The following SPPL3 variants were observed in gnomAD, a reference collection of about 807,000 sequenced individuals.
SPPL3 encodes the protein signal peptide peptidase like 3.
SPPL3 carries 5 observed loss-of-function variants against 42.4 expected under a neutral mutation model. The observed-to-expected ratio is 0.12, with a 90% CI of 0.06 to 0.25. The LOEUF is 0.25. SPPL3 is among the 10% of genes least tolerant of loss of function. The probability of loss-of-function intolerance (pLI) is 1.00; values close to 1 mark genes in which losing one functional copy is unlikely to be tolerated. For missense variants in SPPL3, 235 were observed against 489.0 expected (o/e 0.48, Z 4.90); for synonymous variants, 195 against 181.8 (o/e 1.07, Z -0.58).
chr12:120,901,482 T>G (rs569371350), intron 1 of SPPL3, among the ~76,000 whole-genome samples: 43 of 150,588 alleles, frequency 2.9e-4, no homozygotes, highest in African/African-American at 1.0e-3. Flanking sequence ...TCCCAGCTAC[T>G]CGGGAGGCTG....
chr12:120,863,606 C>A (rs1193966109), intron 1 of SPPL3, among the ~76,000 whole-genome samples: 1 of 152,058 alleles, frequency 6.6e-6, no homozygotes, highest in Non-Finnish European at 1.5e-5. Flanking sequence ...TTCAGGTAAT[C>A]GTAGATATTA....
At chr12:120,857,299 G>C (rs1019393201) in intron 1 of SPPL3, among the ~76,000 whole-genome samples, 3 of 152,160 alleles carry the variant, frequency 2.0e-5, no homozygotes, top group African/African-American at 7.2e-5. Flanking sequence ...AGTCAGAATG[G>C]CGATTATTAA....
At chr12:120,862,069 A>G (rs1872631235) in intron 1 of SPPL3, among the ~76,000 whole-genome samples, 1 of 152,156 alleles carries the variant, frequency 6.6e-6, no homozygotes, top group South Asian at 2.1e-4. Context: ...TAGTTTTCAA[A>G]CTTTTTAGTT....
chr12:120,885,320 C>T (rs978197989), intron 1 of SPPL3, among the ~76,000 whole-genome samples: 3 of 152,124 alleles, frequency 2.0e-5, no homozygotes, highest in Non-Finnish European at 2.9e-5. Flanking sequence ...TAATTGTGCA[C>T]GGGACCTACA....
intron 2 of SPPL3, among the ~76,000 whole-genome samples, chr12:120,800,884 A>G (rs1201032677): frequency 6.6e-6 from 1 of 152,248 alleles, no homozygotes; most frequent in Non-Finnish European, 1.5e-5. Context: ...AGGCACTGCT[A>G]GGTGCTTTAC....
chr12:120,820,787 G>A (rs182249218), intron 1 of SPPL3, among the ~76,000 whole-genome samples: 2 of 150,694 alleles, frequency 1.3e-5, no homozygotes, highest in Admixed American at 1.3e-4. Flanking sequence ...CAAGGTACAA[G>A]TAGTAAATAA....
In SPPL3 at chr12:120,841,933, G is replaced by C. The variant is rs988083477; in HGVS notation, c.24-31047C>G. 2.0e-5 allele frequency among the ~76,000 whole-genome samples: 3 copies of C among 152,146 alleles called. No individual in the cohort carries two copies. The East Asian group carries it at 5.8e-4, about 29-fold the overall frequency. On this transcript the variant is annotated intron_variant, in intron 1 of 10. Transcript: ENST00000353487. ...GCCCGAGTCACAGGATTATTGGCTT[G>C]TATATTTAAGTGTGCACCTGTACTA...
At position 120,846,113 on chromosome 12, in the gene SPPL3, T is replaced by G. The variant is rs1592992684; in HGVS notation, c.24-35227A>C. ...GATTTTGCTATGTTGGCCAGGCTGG[T>G]CTCAAAGTCCTGTCATTACTGATAT... On this transcript the variant is annotated intron_variant, in intron 1 of 10. Coordinates refer to ENST00000353487, the MANE Select transcript of SPPL3 (RefSeq NM_139015.5). 3.9e-5 allele frequency among the ~76,000 whole-genome samples: 6 copies of G among 152,260 alleles called. No individual in the cohort carries two copies. The South Asian group carries it at 6.2e-4, about 16-fold the overall frequency.
chr12:120,778,980 T>TA (rs35034444), intron 6 of SPPL3, among the ~76,000 whole-genome samples: 4,788 of 151,672 alleles, frequency 0.032, 100 homozygotes, highest in Non-Finnish European at 0.045. Context: ...AAATGTCTTC[T>TA]AAAAAAAAAT....
rs143596020 is a variant in SPPL3, at chr12:120,875,783, A to G, written c.23+28062T>C. 3.4e-3 allele frequency among the ~76,000 whole-genome samples: 514 copies of G among 152,356 alleles called. 3 individuals carry two copies. Among genetic ancestry groups the G allele is most frequent in the African/African-American group, 0.012 (497 of 41,588 alleles). ...AATAATTACATCAAATGTAAATGAT[A>G]CACCTAGTCTAAAAGGCAGATTGTC... is the stretch of plus-strand genomic sequence containing the variant. On this transcript the variant is annotated intron_variant, in intron 1 of 10. Transcript: ENST00000353487.
intron 1 of SPPL3, among the ~76,000 whole-genome samples, chr12:120,872,513 G>T (rs1160391965): frequency 6.6e-6 from 1 of 152,174 alleles, no homozygotes; most frequent in East Asian, 1.9e-4. Context: ...AATGCACTGA[G>T]GAGCCAACAG....
chr12:120,841,469 CA>C (rs1871829926), intron 1 of SPPL3, among the ~76,000 whole-genome samples: 1 of 151,950 alleles, frequency 6.6e-6, no homozygotes, highest in Non-Finnish European at 1.5e-5. Context: ...ATTGTCTCCC[CA>C]TCTCAACTCA....
intron 9 of SPPL3, 95 bp from the exon 10 acceptor site, chr12:120,766,467 T>C: frequency 1.1e-6 from 1 of 946,060 alleles, no homozygotes. Flanking sequence ...AGATCTAATG[T>C]GCTGTCGTCC....
At chr12:120,828,214 C>T (rs1227173623) in intron 1 of SPPL3, among the ~76,000 whole-genome samples, 1 of 152,018 alleles carries the variant, frequency 6.6e-6, no homozygotes, top group Non-Finnish European at 1.5e-5. Flanking sequence ...AAACACACTC[C>T]TAAATAACCC....
rs928927065 is a variant in SPPL3 at position 120,904,248 on chromosome 12, G to GGGC, written c.-384_-382dup. ...GCGGGGCCGCGGGAGCGCCGCGCTCGGGCGGCGGCGGCGGCGGCCGGGGGA... is the reference window on the plus strand; with the variant it reads ...GCGGGGCCGCGGGAGCGCCGCGCTCGGGCGGCGGCGGCGGCGGCGGCCGGGGGA... On this transcript the variant is annotated 5_prime_UTR_variant, in exon 1 of 11. Coordinates refer to ENST00000353487, the MANE Select transcript of SPPL3 (RefSeq NM_139015.5). 33 of 177,190 alleles carry GGGC rather than the reference G, an allele frequency of 1.9e-4. No homozygotes were observed. Among genetic ancestry groups the GGGC allele is most frequent in the African/African-American group, 3.9e-4 (16 of 40,792 alleles). The allele number at this position is 177,190 out of a possible 1,614,324, so 11.0% of individuals were successfully genotyped here. A position where few individuals can be genotyped will look rare whatever the true frequency, so the allele number is the denominator to read the frequency against.
chr12:120,771,707 C>A (rs2136969238), intron 6 of SPPL3, among the ~76,000 whole-genome samples: 1 of 152,252 alleles, frequency 6.6e-6, no homozygotes, highest in South Asian at 2.1e-4. Context: ...TCTGCAAACA[C>A]AGGTTTGATG....
At chr12:120,827,416 G>A (rs374062132) in intron 1 of SPPL3, among the ~76,000 whole-genome samples, 2 of 151,618 alleles carry the variant, frequency 1.3e-5, no homozygotes, top group East Asian at 3.9e-4. Flanking sequence ...TTACTGAGTT[G>A]CTAGACTTCA....
At chr12:120,783,286 G>C (rs1339497721) in intron 5 of SPPL3, among the ~76,000 whole-genome samples, 2 of 152,126 alleles carry the variant, frequency 1.3e-5, no homozygotes, top group African/African-American at 2.4e-5. Context: ...AGGATTAAAC[G>C]CAAGTAGGTA....
intron 1 of SPPL3, among the ~76,000 whole-genome samples, chr12:120,817,133 A>T (rs528271831): frequency 2.6e-5 from 3 of 116,368 alleles, no homozygotes; most frequent in South Asian, 2.6e-4. Context: ...ATGAAAAATT[A>T]AAAAAAAAAA....
Sources: gnomAD v4.1 joint callset for allele counts (sites outside exome capture counted in the v4.1 genomes callset) on GRCh38, gnomAD v4.1.1 for gene constraint, MANE v1.5 for transcripts, NCBI Gene and HGNC (gene_info 2026-07-23, HGNC 2026-07-21) for gene names.